ATP8B4: variants seen among roughly 807,000 people sequenced by gnomAD.
The protein encoded by ATP8B4 is probable phospholipid-transporting ATPase IM.
ATP8B4 carries 133 observed loss-of-function variants against 145.6 expected under a neutral mutation model. The ratio of observed to expected loss-of-function variants is 0.91; its 90% CI spans 0.79 to 1.05. The LOEUF (loss-of-function observed/expected upper bound fraction) is 1.05. Ranked by LOEUF, ATP8B4 falls within the 50% of genes least tolerant of loss-of-function variation. The probability of loss-of-function intolerance (pLI) is 0.00; values close to 1 mark genes in which losing one functional copy is unlikely to be tolerated. For missense variants in ATP8B4, 1,458 were observed against 1,425.2 expected (o/e 1.02, Z -0.37); for synonymous variants, 507 against 492.9 (o/e 1.03, Z -0.38).
chr15:49,891,848 G>T (rs2036840608), intron 23 of ATP8B4, among the ~76,000 whole-genome samples: 1 of 152,116 alleles, frequency 6.6e-6, no homozygotes, highest in African/African-American at 2.4e-5. Flanking sequence ...GGGCACAGTG[G>T]CTCATGCCTG....
chr15:49,989,453 C>G (rs2046883398), intron 9 of ATP8B4, among the ~76,000 whole-genome samples: 1 of 151,634 alleles, frequency 6.6e-6, no homozygotes, highest in South Asian at 2.1e-4. Flanking sequence ...TGGGCAAAAA[C>G]AACATGATAT....
At chr15:49,909,722 C>CA (rs995336781) in intron 20 of ATP8B4, among the ~76,000 whole-genome samples, 6,450 of 69,738 alleles carry the variant, frequency 0.092, 130 homozygotes, top group African/African-American at 0.14. Flanking sequence ...CTTTGTTTAC[C>CA]AAAAAAAAAA....
At position 50,043,909 on chromosome 15, in the gene ATP8B4, C is replaced by T. The variant is rs564672258; in HGVS notation, c.300+685G>A. Among the ~76,000 whole-genome samples, 30 of 149,392 alleles carry T rather than the reference C, an allele frequency of 2.0e-4. 1 individual carries two copies. The South Asian group carries it at 5.3e-3, about 26-fold the overall frequency. The stretch of plus-strand genomic sequence containing the variant: ...CGGAGCTTGCAGTGAGCCGAGATTG[C>T]GCCACTGCAGTCCGCAGTCCGGCCT... On this transcript the variant is annotated intron_variant, in intron 5 of 27. Transcript: ENST00000284509.
chr15:50,000,228 G>A (rs2047772954), intron 8 of ATP8B4, among the ~76,000 whole-genome samples: 1 of 152,082 alleles, frequency 6.6e-6, no homozygotes, highest in South Asian at 2.1e-4. Context: ...TGAAATTGTT[G>A]GGTTGTATGT....
At chr15:50,029,983 T>C (rs1027757638) in intron 6 of ATP8B4, among the ~76,000 whole-genome samples, 2 of 152,094 alleles carry the variant, frequency 1.3e-5, no homozygotes, top group Admixed American at 6.6e-5. Context: ...GGAGGAAAAA[T>C]TGATGAGAAA....
intron 3 of ATP8B4, among the ~76,000 whole-genome samples, chr15:50,056,686 T>A (rs78868679): frequency 6.9e-6 from 1 of 145,676 alleles, no homozygotes; most frequent in Non-Finnish European, 1.5e-5. Flanking sequence ...ACACAATATA[T>A]GTATATGTAT....
At position 49,931,229 on chromosome 15, in the gene ATP8B4, T is replaced by C; in HGVS notation, c.1532A>G (p.Lys511Arg). ...TGTTATGGTCTCTGGGGTCCGGGAT[T>C]TAAAAATGAACCCAAAATTTCTAGC... Reference protein sequence around the residue: ...TAARNFGFIFKSRTPETITIE... With the variant: ...TAARNFGFIFRSRTPETITIE... Residue 511 changes from lysine to arginine, a missense_variant, in exon 16 of 28, where the codon AAA becomes AGA. Lys to Arg is a conservative substitution (Grantham distance 26). Transcript: ENST00000284509. 6.2e-7 allele frequency: 1 copy of C among 1,612,782 alleles called. No homozygotes were observed. The highest frequency in any genetic ancestry group is 8.5e-7 in the Non-Finnish European group (1 of 1,179,242).
intron 13 of ATP8B4, among the ~76,000 whole-genome samples, chr15:49,966,832 TC>T (rs1311694045): frequency 6.6e-6 from 1 of 152,202 alleles, no homozygotes; most frequent in Non-Finnish European, 1.5e-5. Context: ...GGGAGACATC[TC>T]CCAGCGGAGG....
chr15:50,085,408 C>T (rs1403181542), intron 2 of ATP8B4, among the ~76,000 whole-genome samples: 1 of 152,138 alleles, frequency 6.6e-6, no homozygotes, highest in East Asian at 1.9e-4. Flanking sequence ...TCAGGTGCAA[C>T]TACATGAGTT....
intron 7 of ATP8B4, among the ~76,000 whole-genome samples, chr15:50,004,437 A>C (rs976188748): frequency 1.3e-5 from 2 of 152,114 alleles, no homozygotes; most frequent in Non-Finnish European, 2.9e-5. Flanking sequence ...TTTGGGGCCC[A>C]CTTTCCCCAG....
chr15:49,897,203 A>G (rs1477888301), intron 23 of ATP8B4, 89 bp downstream of exon 23: 1 of 1,250,400 alleles, frequency 8.0e-7, no homozygotes, highest in East Asian at 2.3e-5. Context: ...CTCTGAATTT[A>G]TTAGTAAAGA....
At chr15:50,176,497 T>G (rs2044764871) in intron 1 of ATP8B4, among the ~76,000 whole-genome samples, 1 of 152,038 alleles carries the variant, frequency 6.6e-6, no homozygotes, top group Non-Finnish European at 1.5e-5. Context: ...ATACCACCTG[T>G]ACCCCAATAA....
At chr15:50,069,002 T>C (rs1383924370) in intron 3 of ATP8B4, among the ~76,000 whole-genome samples, 1 of 152,238 alleles carries the variant, frequency 6.6e-6, no homozygotes, top group East Asian at 1.9e-4. Context: ...TTTGGCTCAC[T>C]CACAATTTTT....
rs760184645 is a variant in ATP8B4, at chr15:49,981,291, G to A, written c.752C>T (p.Pro251Leu). Residue 251 changes from proline to leucine, a missense_variant, in exon 11 of 28, where the codon CCT becomes CTT. Coordinates refer to ENST00000284509, the MANE Select transcript of ATP8B4 (RefSeq NM_024837.4). ...WCFGMVIFAG[P>L]DTKLMQNSGK... is the part of the protein sequence containing the mutation. Reference sequence around the variant, plus strand: ...ACTATTCTGCATTAGTTTAGTGTCAGGACCTGCAAAAACAAAAAAAAGTAA... The same window carrying A: ...ACTATTCTGCATTAGTTTAGTGTCAAGACCTGCAAAAACAAAAAAAAGTAA... 3 of 1,602,288 alleles carry A rather than the reference G, an allele frequency of 1.9e-6. No individual in the cohort carries two copies. The South Asian group carries it at 3.3e-5, about 18-fold the overall frequency.
chr15:50,115,010 C>G (rs1009355218), intron 1 of ATP8B4, among the ~76,000 whole-genome samples: 1 of 152,138 alleles, frequency 6.6e-6, no homozygotes, highest in Non-Finnish European at 1.5e-5. Context: ...AAGATGAGAG[C>G]AGACAGAAAC....
intron 1 of ATP8B4, among the ~76,000 whole-genome samples, chr15:50,161,240 T>G (rs1426792187): frequency 1.3e-5 from 2 of 152,124 alleles, no homozygotes; most frequent in Non-Finnish European, 2.9e-5. Context: ...TATCCCTTTA[T>G]TTTCTATGTA....
At chr15:49,973,594 A>G (rs1001612034) in intron 12 of ATP8B4, among the ~76,000 whole-genome samples, 18 of 152,196 alleles carry the variant, frequency 1.2e-4, no homozygotes, top group African/African-American at 3.4e-4. Flanking sequence ...TTTACCATGA[A>G]AAGTGTTGCA....
intron 3 of ATP8B4, among the ~76,000 whole-genome samples, chr15:50,068,656 G>A (rs1301120352): frequency 6.6e-6 from 1 of 152,058 alleles, no homozygotes; most frequent in Non-Finnish European, 1.5e-5. Flanking sequence ...AAGTGTTTTG[G>A]CTTTACTGAA....
chr15:50,040,452 C>CGAT (rs1172232929), intron 5 of ATP8B4, among the ~76,000 whole-genome samples: 2 of 152,212 alleles, frequency 1.3e-5, no homozygotes, highest in African/African-American at 4.8e-5. Context: ...CTCTCCAATC[C>CGAT]ACCCAATTTC....
Sources: gnomAD v4.1 joint callset for allele counts (sites outside exome capture counted in the v4.1 genomes callset) on GRCh38, gnomAD v4.1.1 for gene constraint, MANE v1.5 for transcripts, NCBI Gene and HGNC (gene_info 2026-07-23, HGNC 2026-07-21) for gene names.